Variants in CTNND2 observed in about 807,000 individuals in gnomAD.
The protein encoded by CTNND2 is catenin delta 2.
In CTNND2, 22 loss-of-function variants were observed where a neutral mutation model predicts 144.4. The ratio of observed to expected loss-of-function variants is 0.15; its 90% CI spans 0.11 to 0.22. CTNND2 has a LOEUF of 0.22. Among genes scored for constraint, CTNND2 ranks in the 10% least tolerant of loss-of-function variants. CTNND2 has a pLI of 1.00. For missense variants in CTNND2, 1,353 were observed against 1,618.8 expected (o/e 0.84, Z 2.82); for synonymous variants, 751 against 695.6 (o/e 1.08, Z -1.25).
At chr5:11,090,638 C>T (rs1750672975) in intron 15 of CTNND2, among the ~76,000 whole-genome samples, 1 of 152,206 alleles carries the variant, frequency 6.6e-6, no homozygotes. Flanking sequence ...CATTCCAAAA[C>T]TATTCCTCGC....
chr5:11,119,363 G>A (rs1580338156), intron 12 of CTNND2, among the ~76,000 whole-genome samples: 1 of 152,046 alleles, frequency 6.6e-6, no homozygotes, highest in African/African-American at 2.4e-5. Flanking sequence ...AGTATTTTTG[G>A]CATTTGCTGA....
intron 3 of CTNND2, among the ~76,000 whole-genome samples, chr5:11,560,064 T>C (rs1416250272): frequency 1.3e-5 from 2 of 152,170 alleles, no homozygotes; most frequent in East Asian, 3.9e-4. Context: ...CTGCTGTGGC[T>C]TCCTAATTGA....
At chr5:11,715,819 A>G (rs1168802360) in intron 2 of CTNND2, among the ~76,000 whole-genome samples, 1 of 152,224 alleles carries the variant, frequency 6.6e-6, no homozygotes, top group Non-Finnish European at 1.5e-5. Context: ...AAACCAAAAA[A>G]ATGAAAATGA....
chr5:11,793,420 A>G (rs1791240914), intron 1 of CTNND2, among the ~76,000 whole-genome samples: 1 of 152,158 alleles, frequency 6.6e-6, no homozygotes, highest in African/African-American at 2.4e-5. Flanking sequence ...CTAACCCCCA[A>G]TACCTCAGAA....
intron 1 of CTNND2, among the ~76,000 whole-genome samples, chr5:11,844,365 C>T (rs755502439): frequency 1.3e-5 from 2 of 151,780 alleles, no homozygotes; most frequent in African/African-American, 4.8e-5. Context: ...CTGAAATACA[C>T]ACACACACAC....
chr5:11,245,154 G>A (rs1163512385), intron 9 of CTNND2, among the ~76,000 whole-genome samples: 2 of 152,180 alleles, frequency 1.3e-5, no homozygotes, highest in Non-Finnish European at 2.9e-5. Context: ...GGCTATTCTT[G>A]TTCGTTCAGT....
At chr5:11,166,444 T>C (rs1242903689) in intron 11 of CTNND2, among the ~76,000 whole-genome samples, 3 of 151,268 alleles carry the variant, frequency 2.0e-5, no homozygotes, top group Non-Finnish European at 2.9e-5. Flanking sequence ...AGAGACGGGG[T>C]TTCACCATCT....
In CTNND2 at chr5:11,674,618, C is replaced by T. The variant is rs113106167; in HGVS notation, c.174+57518G>A. On this transcript the variant is annotated intron_variant, in intron 2 of 21. Coordinates refer to ENST00000304623, the MANE Select transcript of CTNND2 (RefSeq NM_001332.4). ...ACGTATAACAACATGCATAGATAAACTCATGTACATGAATTTCTGTAGCGT... is the reference window on the plus strand; with the variant it reads ...ACGTATAACAACATGCATAGATAAATTCATGTACATGAATTTCTGTAGCGT... 5.3e-4 allele frequency among the ~76,000 whole-genome samples: 81 copies of T among 152,298 alleles called. 1 individual carries two copies. Among genetic ancestry groups the T allele is most frequent in the African/African-American group, 1.8e-3 (73 of 41,550 alleles).
At chr5:11,378,103 G>C (rs977377933) in intron 7 of CTNND2, among the ~76,000 whole-genome samples, 1 of 152,142 alleles carries the variant, frequency 6.6e-6, no homozygotes, top group South Asian at 2.1e-4. Context: ...TATAACATGG[G>C]GTCCTGGAAT....
In CTNND2 at chr5:11,346,512, G is replaced by T; in HGVS notation, c.1488C>A (p.Ala496=). ...GTCGGTAGGGGTCCGCGTAATTGGAGGCTGGGCCGGCGGCATAGCTGGCCC... is the reference window on the plus strand; with the variant it reads ...GTCGGTAGGGGTCCGCGTAATTGGATGCTGGGCCGGCGGCATAGCTGGCCC... ...FQRASYAAGP[A]SNYADPYRQL... is the part of the protein sequence containing the mutation. Residue 496 remains alanine (A), a synonymous_variant, in exon 9 of 22, where the codon GCC becomes GCA. Transcript: ENST00000304623. 6.2e-7 allele frequency: 1 copy of T among 1,606,430 alleles called. No individual in the cohort carries two copies. The highest frequency in any genetic ancestry group is 8.5e-7 in the Non-Finnish European group (1 of 1,176,804).
intron 2 of CTNND2, among the ~76,000 whole-genome samples, chr5:11,599,310 A>G (rs1433695465): frequency 1.3e-5 from 2 of 152,184 alleles, no homozygotes; most frequent in Non-Finnish European, 2.9e-5. Context: ...ACTAAAAAAA[A>G]TTAATAATAA....
intron 9 of CTNND2, among the ~76,000 whole-genome samples, chr5:11,323,093 C>G (rs1322126271): frequency 6.6e-6 from 1 of 152,088 alleles, no homozygotes; most frequent in Admixed American, 6.6e-5. Flanking sequence ...GGCTTGAGTA[C>G]TATGGCACAG....
intron 2 of CTNND2, among the ~76,000 whole-genome samples, chr5:11,606,441 GAC>G (rs1780047131): frequency 6.6e-6 from 1 of 152,142 alleles, no homozygotes; most frequent in Non-Finnish European, 1.5e-5. Flanking sequence ...AAGGGAAAGA[GAC>G]ACATTGGGAT....
At chr5:10,983,091 AC>A (rs1369547412) in intron 20 of CTNND2, among the ~76,000 whole-genome samples, 1 of 148,008 alleles carries the variant, frequency 6.8e-6, no homozygotes, top group East Asian at 1.9e-4. Context: ...GTTTCATAGC[AC>A]CATAGGGCAA....
At chr5:11,191,464 C>T (rs868378042) in intron 11 of CTNND2, among the ~76,000 whole-genome samples, 2 of 152,158 alleles carry the variant, frequency 1.3e-5, no homozygotes, top group South Asian at 2.1e-4. Context: ...TCATATAAGA[C>T]CTGGAGTGGT....
At chr5:11,355,157 A>T (rs2149754981) in intron 8 of CTNND2, among the ~76,000 whole-genome samples, 1 of 152,284 alleles carries the variant, frequency 6.6e-6, no homozygotes, top group East Asian at 1.9e-4. Context: ...GATTTCTAAT[A>T]AACAACCTAA....
intron 1 of CTNND2, among the ~76,000 whole-genome samples, chr5:11,735,331 G>A (rs1787620754): frequency 6.6e-6 from 1 of 152,150 alleles, no homozygotes; most frequent in Non-Finnish European, 1.5e-5. Context: ...AGCAAATGTT[G>A]TGCCCAGATA....
intron 2 of CTNND2, among the ~76,000 whole-genome samples, chr5:11,669,236 T>C (rs2126594207): frequency 6.6e-6 from 1 of 152,314 alleles, no homozygotes; most frequent in Admixed American, 6.5e-5. Flanking sequence ...TTTTTTGGTG[T>C]GTCTCTGCCA....
At chr5:11,784,974 C>T (rs192118162) in intron 1 of CTNND2, among the ~76,000 whole-genome samples, 34 of 152,288 alleles carry the variant, frequency 2.2e-4, no homozygotes, top group African/African-American at 7.5e-4. Flanking sequence ...ATTTGTTATG[C>T]AGCAACAAAT....
Sources: gnomAD v4.1 joint callset for allele counts (sites outside exome capture counted in the v4.1 genomes callset) on GRCh38, gnomAD v4.1.1 for gene constraint, MANE v1.5 for transcripts, NCBI Gene and HGNC (gene_info 2026-07-23, HGNC 2026-07-21) for gene names.